Variants in ISL2 observed in about 807,000 individuals in gnomAD.
ISL2 encodes the protein ISL LIM homeobox 2, also known as insulin gene enhancer protein ISL-2.
A neutral mutation model predicts 34.6 loss-of-function variants in ISL2; 17 were observed. The ratio of observed to expected loss-of-function variants is 0.49; its 90% CI spans 0.34 to 0.74. The LOEUF (loss-of-function observed/expected upper bound fraction) is 0.74, where lower values mean the gene tolerates loss of function less well. Among genes scored for constraint, ISL2 ranks in the 30% least tolerant of loss-of-function variants. ISL2 has a pLI of 0.01. For missense variants in ISL2, 469 were observed against 515.2 expected (o/e 0.91, Z 0.87); for synonymous variants, 232 against 225.5 (o/e 1.03, Z -0.26).
chr15:76,339,323 G>C, intron 3 of ISL2: 2 of 984,250 alleles, frequency 2.0e-6, no homozygotes, highest in East Asian at 1.1e-4. Context: ...AGGAAACTGG[G>C]CTGGATGGGC....
chr15:76,339,445 T>C, intron 3 of ISL2: 1 of 985,384 alleles, frequency 1.0e-6, no homozygotes. Flanking sequence ...AGATGTGAAA[T>C]GGGAGCAAGC....
chr15:76,338,008 G>A, intron 2 of ISL2, 41 bp downstream of exon 2: 1 of 1,492,650 alleles, frequency 6.7e-7, no homozygotes, highest in Non-Finnish European at 9.0e-7. Context: ...CCGCGCGCAG[G>A]GGCCGGGGCC....
chr15:76,337,445 T>C, intron 1 of ISL2: 3 of 350,352 alleles, frequency 8.6e-6, no homozygotes, highest in Non-Finnish European at 1.5e-5. Flanking sequence ...GGTGTTGATA[T>C]CCAGGCGTCC....
intron 3 of ISL2, 119 bp downstream of exon 3, chr15:76,338,633 T>C: frequency 8.1e-7 from 1 of 1,234,446 alleles, no homozygotes; most frequent in Admixed American, 3.3e-5. Flanking sequence ...TCTGCCGGGA[T>C]AGTGTTTTTC....
At chr15:76,339,667 G>A (rs771279308) in intron 3 of ISL2, 15 of 985,778 alleles carry the variant, frequency 1.5e-5, no homozygotes, top group Middle Eastern at 5.2e-4. Context: ...GGAGACAGGG[G>A]CCGAAGCCCA....
rs775699279 is a variant in ISL2 at position 76,341,784 on chromosome 15, G to A, written c.1029G>A (p.Ser343=). The change falls in exon 6 of 6, where the codon TCG becomes TCA. Residue 343 remains serine, a synonymous_variant. Transcript: ENST00000290759. ...SSGSDVTSLS[S]QLPDTPNSMV... is the part of the protein sequence containing the mutation. ...GCAGCGACGTGACCTCCCTGTCCTC[G>A]CAGCTCCCGGACACCCCCAACAGTA... 4.3e-6 allele frequency: 7 copies of A among 1,613,884 alleles called. No individual in the cohort carries two copies. In the East Asian group the frequency reaches 1.3e-4, roughly 31 times the overall value.
At position 76,340,461 on chromosome 15, in the gene ISL2, C is replaced by A. The variant is rs997553390; in HGVS notation, c.697C>A (p.Arg233=). Residue 233 remains arginine, a synonymous_variant, in exon 4 of 6, where the codon CGG becomes AGG. Coordinates refer to ENST00000290759, the MANE Select transcript of ISL2 (RefSeq NM_145805.3). The stretch of plus-strand genomic sequence containing the variant: ...GGTGGAGATGACCGGCCTGAGCCCG[C>A]GGGTCATCCGCGTCTGGTTCCAGAA... The part of the protein sequence containing the change: ...QLVEMTGLSP[R]VIRVWFQNKR... 37 of 1,613,710 alleles carry A rather than the reference C, an allele frequency of 2.3e-5. No homozygotes were observed. The highest frequency in any genetic ancestry group is 3.1e-5 in the Non-Finnish European group (36 of 1,180,014).
At position 76,342,205 on chromosome 15, in the gene ISL2, T is replaced by C. The variant is rs1005319471; in HGVS notation, c.*370T>C. On this transcript the variant is annotated 3_prime_UTR_variant, in exon 6 of 6. Coordinates refer to ENST00000290759, the MANE Select transcript of ISL2 (RefSeq NM_145805.3). ...ACGCGGACCCCCGCCCTGCCCCAGC[T>C]CAGCGCTCCCTGGCGGCTTCGCCCG... 7.7e-5 allele frequency: 14 copies of C among 182,602 alleles called. No individual in the cohort carries two copies. Among genetic ancestry groups the C allele is most frequent in the African/African-American group, 3.3e-4 (14 of 42,794 alleles). 11.3% of individuals were successfully genotyped at this position (182,602 alleles called of 1,614,324 possible).
intron 3 of ISL2, chr15:76,338,845 T>G: frequency 1.0e-6 from 1 of 985,334 alleles, no homozygotes; most frequent in Non-Finnish European, 1.2e-6. Context: ...GTCTTGGGGC[T>G]TGTATTAGGA....
intron 1 of ISL2, chr15:76,337,443 T>C (rs935050375): frequency 2.9e-6 from 1 of 347,846 alleles, no homozygotes; most frequent in Non-Finnish European, 5.2e-6. Flanking sequence ...TAGGTGTTGA[T>C]ATCCAGGCGT....
chr15:76,337,029 C>A, intron 1 of ISL2, 88 bp downstream of exon 1: 2 of 1,155,686 alleles, frequency 1.7e-6, no homozygotes, highest in Non-Finnish European at 2.6e-6. Flanking sequence ...TTAGTGGATT[C>A]TACAAGTGGC....
Position 76,341,817 on chromosome 15 carries a change from G to T in ISL2, c.1062G>T (p.Pro354=). The change falls in exon 6 of 6, where the codon CCG becomes CCT. Residue 354 remains proline, a synonymous_variant. Coordinates refer to ENST00000290759, the MANE Select transcript of ISL2 (RefSeq NM_145805.3). Reference sequence around the variant, plus strand: ...CGGACACCCCCAACAGTATGGTGCCGAGTCCCGTGGAGACGTGAGGGGGAC... The same window carrying T: ...CGGACACCCCCAACAGTATGGTGCCTAGTCCCGTGGAGACGTGAGGGGGAC... ...QLPDTPNSMV[P]SPVET is the part of the protein sequence containing the mutation. 1 of 1,613,010 alleles carries T rather than the reference G, an allele frequency of 6.2e-7. No individual in the cohort carries two copies. Among genetic ancestry groups the T allele is most frequent in the Non-Finnish European group, 8.5e-7 (1 of 1,179,476 alleles).
chr15:76,341,621 G>C, intron 5 of ISL2, 98 bp from the exon 6 acceptor site: 1 of 947,604 alleles, frequency 1.1e-6, no homozygotes, highest in Non-Finnish European at 1.7e-6. Context: ...CTGGCGGCCG[G>C]TCCCCAAGGG....
At position 76,341,674 on chromosome 15, in the gene ISL2, G is replaced by A. The variant is rs776750419; in HGVS notation, c.964-45G>A. On this transcript the variant is annotated intron_variant, in intron 5 of 5. Coordinates refer to ENST00000290759, the MANE Select transcript of ISL2 (RefSeq NM_145805.3). Reference sequence around the variant, plus strand: ...GCACGCGGCCCTGGAGCACCAGCTCGCGTGCCTCTTCACCTGCCTCTTCCC... The same window carrying A: ...GCACGCGGCCCTGGAGCACCAGCTCACGTGCCTCTTCACCTGCCTCTTCCC... 3.6e-6 allele frequency: 5 copies of A among 1,388,866 alleles called. No homozygotes were observed. The African/African-American group carries it at 5.7e-5, about 16-fold the overall frequency. 86.0% of individuals were successfully genotyped at this position (1,388,866 alleles called of 1,614,324 possible). A position where few individuals can be genotyped will look rare whatever the true frequency, so the allele number is the denominator to read the frequency against.
rs751208001 is a variant in ISL2, at chr15:76,342,000, G to C, written c.*165G>C. The C allele has an allele frequency of 2.0e-5, 12 of 600,756 alleles. No individual in the cohort carries two copies. Among genetic ancestry groups the C allele is most frequent in the Non-Finnish European group, 3.3e-5 (11 of 336,060 alleles). The allele number at this position is 600,756 out of a possible 1,614,324, so 37.2% of individuals were successfully genotyped here. The stretch of plus-strand genomic sequence containing the variant: ...ACGGTCTGGACAGCCCAAGGCGCCA[G>C]GATGCAACCTGCTTTCACCAGACTG... On this transcript the variant is annotated 3_prime_UTR_variant, in exon 6 of 6. Transcript: ENST00000290759.
chr15:76,340,603 C>G lies in ISL2; in HGVS notation c.795+44C>G, dbSNP rs751740120. On this transcript the variant is annotated intron_variant, in intron 4 of 5. Transcript: ENST00000290759. ...GGAGGCTCGAGTCGGGTGGGGGCTGCGCTTCCGCCGCGGTATCTGCGTGCC... is the reference window on the plus strand; with the variant it reads ...GGAGGCTCGAGTCGGGTGGGGGCTGGGCTTCCGCCGCGGTATCTGCGTGCC... The G allele has an allele frequency of 5.8e-6, 9 of 1,560,688 alleles. No homozygotes were observed. The South Asian group carries it at 8.4e-5, about 15-fold the overall frequency.
In ISL2 at chr15:76,338,448, C is replaced by G. The variant is rs746888111; in HGVS notation, c.445C>G (p.Arg149Gly). Residue 149 changes from arginine (R) to glycine (G), a missense_variant, in exon 3 of 6, where the codon CGC (arginine) becomes GGC (glycine). Around this residue, in one of 3 missense-constraint regions of ISL2, gnomAD observed 297 missense variants for 337.8 expected, o/e 0.88. Transcript: ENST00000290759. The part of the protein sequence containing the change: ...CRADHGLLLE[R>G]AAAGSPRSPG... ...CGCCGACCACGGCCTCCTGCTCGAG[C>G]GCGCCGCGGCCGGCAGCCCGCGCAG... 9 of 1,436,046 alleles carry G rather than the reference C, an allele frequency of 6.3e-6. No individual in the cohort carries two copies. The highest frequency in any genetic ancestry group is 7.3e-6 in the Non-Finnish European group (8 of 1,098,028). 89.0% of individuals were successfully genotyped at this position (1,436,046 alleles called of 1,614,324 possible).
chr15:76,339,962 C>T, intron 3 of ISL2: 1 of 1,181,712 alleles, frequency 8.5e-7, no homozygotes, highest in Non-Finnish European at 1.0e-6. Context: ...GAGGGTCCTG[C>T]GACTGGAGGA....
intron 3 of ISL2, chr15:76,339,812 A>T (rs949804395): frequency 4.0e-6 from 4 of 995,734 alleles, no homozygotes; most frequent in Non-Finnish European, 4.8e-6. Context: ...CCCCCGGCAT[A>T]TTCGCACCTC....
Sources: allele counts gnomAD v4.1 joint callset, GRCh38; gene constraint gnomAD v4.1.1; regional missense constraint gnomAD v4.1.1; transcripts MANE v1.5; gene names NCBI Gene and HGNC (gene_info 2026-07-23, HGNC 2026-07-21).